ALG13: variants seen among roughly 807,000 people sequenced by gnomAD.
The protein encoded by ALG13 is UDP-N-acetylglucosamine transferase subunit ALG13.
A neutral mutation model predicts 87.8 loss-of-function variants in ALG13; 11 were observed. The ratio of observed to expected loss-of-function variants is 0.13; its 90% CI spans 0.08 to 0.21. The LOEUF (loss-of-function observed/expected upper bound fraction) is 0.21. Among genes scored for constraint, ALG13 ranks in the 10% least tolerant of loss-of-function variants. The probability of loss-of-function intolerance (pLI) is 1.00; values close to 1 mark genes in which losing one functional copy is unlikely to be tolerated. For synonymous variants in ALG13, 320 were observed against 306.3 expected (o/e 1.04, Z -0.47); for missense variants, 756 against 866.1 (o/e 0.87, Z 1.60).
intron 3 of ALG13, among the ~76,000 whole-genome samples, chrX:111,691,305 TG>T (rs2147802057): frequency 9.0e-6 from 1 of 110,685 alleles, no homozygotes; most frequent in East Asian, 2.9e-4. Context: ...TTCACCATGT[TG>T]GCCAGGCTAG....
intron 3 of ALG13, among the ~76,000 whole-genome samples, chrX:111,694,693 T>C (rs1226430420): frequency 8.9e-6 from 1 of 112,178 alleles, no homozygotes; most frequent in Non-Finnish European, 1.9e-5. Flanking sequence ...AGTACATCTT[T>C]TTGAATGATC....
At chrX:111,719,258 C>A in intron 10 of ALG13, among the ~76,000 whole-genome samples, 1 of 110,517 alleles carries the variant, frequency 9.0e-6, no homozygotes, top group Non-Finnish European at 1.9e-5. Flanking sequence ...GTCTCCTGAC[C>A]TCGTGATCCA....
intron 22 of ALG13, among the ~76,000 whole-genome samples, 187 bp downstream of exon 22, chrX:111,735,309 T>C (rs1943131208): frequency 8.9e-6 from 1 of 112,315 alleles, no homozygotes; most frequent in Non-Finnish European, 1.9e-5. Flanking sequence ...ATCTACTGTG[T>C]TCCAGACACT....
At chrX:111,716,759 A>G (rs1299000396) in intron 8 of ALG13, among the ~76,000 whole-genome samples, 1 of 111,857 alleles carries the variant, frequency 8.9e-6, no homozygotes, top group African/African-American at 3.2e-5. Flanking sequence ...CCCAGGGAAG[A>G]GTAGGAAGAC....
chrX:111,713,936 C>G (rs1940186864), intron 8 of ALG13, among the ~76,000 whole-genome samples: 1 of 111,738 alleles, frequency 8.9e-6, no homozygotes, highest in African/African-American at 3.2e-5. Context: ...AGCCCTTTAT[C>G]CTGATTATTT....
chrX:111,753,733 G>T (rs748096274), intron 25 of ALG13, among the ~76,000 whole-genome samples: 1 of 111,555 alleles, frequency 9.0e-6, no homozygotes, highest in Non-Finnish European at 1.9e-5. Flanking sequence ...GGAAGAAGTC[G>T]AATTCCTGAG....
chrX:111,697,559 C>T (rs1429061729), intron 3 of ALG13, among the ~76,000 whole-genome samples: 1 of 111,841 alleles, frequency 8.9e-6, no homozygotes, highest in Non-Finnish European at 1.9e-5. Context: ...AAGTAGTTTG[C>T]TGTGGAGAAA....
chrX:111,714,854 G>A (rs1940334950), intron 8 of ALG13, among the ~76,000 whole-genome samples: 1 of 112,009 alleles, frequency 8.9e-6, no homozygotes, highest in South Asian at 3.7e-4. Context: ...TTAGGCAAAG[G>A]TGTGACATAA....
At chrX:111,685,307 G>A in intron 3 of ALG13, 1 of 389,021 alleles carries the variant, frequency 2.6e-6, no homozygotes, top group Non-Finnish European at 4.4e-6. Context: ...GTGTATCTGT[G>A]GCTGTTTCTT....
chrX:111,698,980 C>T (rs1003690894), intron 3 of ALG13, among the ~76,000 whole-genome samples: 2 of 111,734 alleles, frequency 1.8e-5, no homozygotes, highest in Admixed American at 9.5e-5. Context: ...CCACCAACAA[C>T]GTACAACAGT....
chrX:111,682,677 G>A (rs1933754421), intron 2 of ALG13, among the ~76,000 whole-genome samples: 1 of 111,912 alleles, frequency 8.9e-6, no homozygotes, highest in African/African-American at 3.3e-5. Context: ...TAAACACAGA[G>A]GAGCAAAATA....
intron 3 of ALG13, chrX:111,689,444 A>G (rs1188345615): frequency 1.3e-6 from 1 of 751,416 alleles, no homozygotes; most frequent in African/African-American, 2.3e-5. Context: ...GACAACTAAA[A>G]GGCTATACAG....
chrX:111,742,440 CAA>C (rs755617504), intron 23 of ALG13, among the ~76,000 whole-genome samples: 3 of 62,479 alleles, frequency 4.8e-5, no homozygotes. Flanking sequence ...AATGGAATGC[CAA>C]AAAAAAAAAA....
intron 23 of ALG13, among the ~76,000 whole-genome samples, chrX:111,738,585 C>T (rs1159223846): frequency 9.0e-6 from 1 of 111,510 alleles, no homozygotes; most frequent in Non-Finnish European, 1.9e-5. Context: ...GTCACCAAGG[C>T]TGGAGTGCAG....
chrX:111,693,799 A>T (rs1936550056), intron 3 of ALG13, among the ~76,000 whole-genome samples: 1 of 110,586 alleles, frequency 9.0e-6, no homozygotes, highest in Non-Finnish European at 1.9e-5. Flanking sequence ...GGAACTCTTT[A>T]ATTTAAAACT....
intron 3 of ALG13, among the ~76,000 whole-genome samples, chrX:111,685,776 T>C (rs1430878953): frequency 1.8e-5 from 2 of 112,043 alleles, no homozygotes; most frequent in Admixed American, 1.9e-4. Context: ...CCTAACATTT[T>C]GATCTGAGAC....
intron 2 of ALG13, among the ~76,000 whole-genome samples, chrX:111,684,389 A>G (rs975965257): frequency 9.1e-6 from 1 of 110,085 alleles, no homozygotes; most frequent in African/African-American, 3.3e-5. Flanking sequence ...TGGTGCAATC[A>G]TAGCTCACTT....
At chrX:111,689,906 T>C (rs1158904116) in intron 3 of ALG13, 1 of 752,276 alleles carries the variant, frequency 1.3e-6, no homozygotes, top group Admixed American at 8.8e-5. Context: ...ATTTCACACT[T>C]AACTGGGTTT....
intron 24 of ALG13, among the ~76,000 whole-genome samples, chrX:111,746,762 A>C (rs1953349161): frequency 1.8e-5 from 2 of 112,140 alleles, no homozygotes; most frequent in South Asian, 3.7e-4. Flanking sequence ...ACTGCCAAAC[A>C]TTTTTCCAAA....
Sources: gnomAD v4.1 joint callset for allele counts (sites outside exome capture counted in the v4.1 genomes callset) on GRCh38, gnomAD v4.1.1 for gene constraint, MANE v1.5 for transcripts, NCBI Gene and HGNC (gene_info 2026-07-23, HGNC 2026-07-21) for gene names.